The following TTK variants were observed in gnomAD, a reference collection of about 807,000 sequenced individuals.
The protein encoded by TTK is TTK protein kinase.
A neutral mutation model predicts 117.3 loss-of-function variants in TTK; 59 were observed. The observed-to-expected ratio is 0.50, with a 90% CI of 0.41 to 0.62. The LOEUF is 0.62. Ranked by LOEUF, TTK falls within the 20% of genes least tolerant of loss-of-function variation. The pLI is 0.00. For missense variants in TTK, 921 were observed against 989.4 expected (o/e 0.93, Z 0.93); for synonymous variants, 302 against 325.0 (o/e 0.93, Z 0.76).
chr6:80,008,538 A>C (rs1424738939), intron 4 of TTK, 46 bp downstream of exon 4: 2 of 1,504,494 alleles, frequency 1.3e-6, no homozygotes, highest in Admixed American at 3.8e-5. Flanking sequence ...AGGATAACTT[A>C]TTACAACTTA....
chr6:80,011,718 TTTC>T lies in TTK; in HGVS notation c.729-9_729-7del. ...TCTTTGAAAAATTGGGGGTATTTTC[TTTC>T]TGTTTAGAGAGAACATGCCACCACA... On this transcript the variant is annotated splice_region_variant and splice_polypyrimidine_tract_variant and intron_variant, in intron 6 of 21. Coordinates refer to ENST00000369798, the MANE Select transcript of TTK (RefSeq NM_003318.5). 6.2e-7 allele frequency: 1 copy of T among 1,611,696 alleles called. No homozygotes were observed. The highest frequency in any genetic ancestry group is 8.5e-7 in the Non-Finnish European group (1 of 1,178,794).
chr6:80,038,253 G>A (rs1366634642), intron 18 of TTK, among the ~76,000 whole-genome samples: 2 of 152,098 alleles, frequency 1.3e-5, no homozygotes, highest in Non-Finnish European at 2.9e-5. Flanking sequence ...AGTACAGCTG[G>A]AGAATGTAAT....
At chr6:80,021,905 A>G (rs1434048705) in intron 10 of TTK, among the ~76,000 whole-genome samples, 2 of 152,202 alleles carry the variant, frequency 1.3e-5, no homozygotes, top group Admixed American at 6.5e-5. Flanking sequence ...TAAGGGTTTC[A>G]AAGTATGCTT....
rs1244728232 is a variant in TTK at position 80,027,869 on chromosome 6, T to C, written c.1395-16T>C. 17 of 1,495,496 alleles carry C rather than the reference T, an allele frequency of 1.1e-5. No individual in the cohort carries two copies. Among genetic ancestry groups the C allele is most frequent in the Admixed American group, 1.1e-4 (5 of 47,504 alleles). The allele number at this position is 1,495,496 out of a possible 1,614,324, so 92.6% of individuals were successfully genotyped here. On this transcript the variant is annotated splice_polypyrimidine_tract_variant and intron_variant, in intron 12 of 21. Coordinates refer to ENST00000369798, the MANE Select transcript of TTK (RefSeq NM_003318.5). ...AATTGTAATGTTTTAAATAAAAATA[T>C]ATATATATTTCCTAGTTTTAGAACT... is the stretch of plus-strand genomic sequence containing the variant.
At chr6:80,021,247 G>T (rs189962358) in intron 10 of TTK, among the ~76,000 whole-genome samples, 4 of 152,328 alleles carry the variant, frequency 2.6e-5, no homozygotes, top group African/African-American at 7.2e-5. Context: ...TAGCTGCTGG[G>T]AGTTCCTTAA....
At chr6:80,028,083 T>C (rs1767653814) in intron 13 of TTK, 72 bp downstream of exon 13, 2 of 1,429,796 alleles carry the variant, frequency 1.4e-6, no homozygotes, top group Non-Finnish European at 1.8e-6. Context: ...TTTTATAGCA[T>C]CTAGTTATCA....
intron 14 of TTK, among the ~76,000 whole-genome samples, chr6:80,033,210 G>C (rs1475194249): frequency 6.6e-6 from 1 of 152,146 alleles, no homozygotes; most frequent in African/African-American, 2.4e-5. Flanking sequence ...TCGCATATAA[G>C]TGAGAACATG....
At position 80,010,999 on chromosome 6, in the gene TTK, A is replaced by G. The variant is rs561295130; in HGVS notation, c.613+42A>G. 3.0e-5 allele frequency: 46 copies of G among 1,551,080 alleles called. 1 individual carries two copies. In the South Asian group the frequency reaches 5.5e-4, roughly 19 times the overall value. On this transcript the variant is annotated intron_variant, in intron 5 of 21. Coordinates refer to ENST00000369798, the MANE Select transcript of TTK (RefSeq NM_003318.5). Reference sequence around the variant, plus strand: ...ACTAATACTTTCTGTGGTAGGTAGTACTTCAAATAAAGATTCGGGATAATA... The same window carrying G: ...ACTAATACTTTCTGTGGTAGGTAGTGCTTCAAATAAAGATTCGGGATAATA...
chr6:80,030,806 T>G (rs1767737627), intron 13 of TTK, among the ~76,000 whole-genome samples: 2 of 152,174 alleles, frequency 1.3e-5, no homozygotes, highest in Non-Finnish European at 2.9e-5. Flanking sequence ...TTGCTGAAAT[T>G]TGCATTTGTC....
rs569402943 is a variant in TTK, at chr6:80,011,015, C to T, written c.613+58C>T. 19 of 1,495,948 alleles carry T rather than the reference C, an allele frequency of 1.3e-5. No homozygotes were observed. In the South Asian group the frequency reaches 1.9e-4, roughly 15 times the overall value. 92.7% of individuals were successfully genotyped at this position (1,495,948 alleles called of 1,614,324 possible). The stretch of plus-strand genomic sequence containing the variant: ...GTAGGTAGTACTTCAAATAAAGATT[C>T]GGGATAATAATTTATAGAAAAATAT... On this transcript the variant is annotated intron_variant, in intron 5 of 21. Coordinates refer to ENST00000369798, the MANE Select transcript of TTK (RefSeq NM_003318.5).
At chr6:80,035,494 T>C in intron 16 of TTK, 77 bp downstream of exon 16, 1 of 1,371,712 alleles carries the variant, frequency 7.3e-7, no homozygotes, top group Non-Finnish European at 9.7e-7. Flanking sequence ...ATACCTATAA[T>C]TTTAGGGCAT....
At chr6:80,024,524 A>G in intron 11 of TTK, among the ~76,000 whole-genome samples, 1 of 152,226 alleles carries the variant, frequency 6.6e-6, no homozygotes, top group East Asian at 1.9e-4. Flanking sequence ...TTATGATCCC[A>G]TTTAGATAAA....
chr6:80,007,210 A>G (rs943886285), intron 2 of TTK, among the ~76,000 whole-genome samples: 2 of 152,140 alleles, frequency 1.3e-5, no homozygotes, highest in Admixed American at 6.5e-5. Flanking sequence ...GGACCAAGAA[A>G]TTATCAGGGC....
At chr6:80,021,597 G>T (rs1057323818) in intron 10 of TTK, among the ~76,000 whole-genome samples, 1 of 152,226 alleles carries the variant, frequency 6.6e-6, no homozygotes, top group African/African-American at 2.4e-5. Flanking sequence ...TTTTTGGGCT[G>T]AGTGAAGGGG....
In TTK at chr6:80,012,047, A is replaced by T. The variant is rs1168915694; in HGVS notation, c.896+67A>T. 2.3e-6 allele frequency: 3 copies of T among 1,319,380 alleles called. No individual in the cohort carries two copies. In the African/African-American group the frequency reaches 4.4e-5, roughly 20 times the overall value. The allele number at this position is 1,319,380 out of a possible 1,614,324, so 81.7% of individuals were successfully genotyped here. On this transcript the variant is annotated intron_variant, in intron 8 of 21. Coordinates refer to ENST00000369798, the MANE Select transcript of TTK (RefSeq NM_003318.5). ...GAAGATTAATGGCAGAATGGTCTTAAAGTCTTTTACTGAGTAATAGTAATT... is the reference window on the plus strand; with the variant it reads ...GAAGATTAATGGCAGAATGGTCTTATAGTCTTTTACTGAGTAATAGTAATT...
chr6:80,033,057 A>G (rs1380284022), intron 14 of TTK, among the ~76,000 whole-genome samples: 1 of 152,032 alleles, frequency 6.6e-6, no homozygotes, highest in Non-Finnish European at 1.5e-5. Context: ...CTAATCATCT[A>G]AAAAAAATCA....
intron 11 of TTK, among the ~76,000 whole-genome samples, chr6:80,026,005 T>A (rs183070391): frequency 1.1e-4 from 16 of 152,120 alleles, no homozygotes; most frequent in Admixed American, 2.0e-4. Context: ...GAGAAGGGAA[T>A]AGAGTTTTAT....
Position 80,011,899 on chromosome 6 carries a change from G to T in TTK, c.815G>T (p.Gly272Val). ...AAATATTTTTAGTCATGCCCATTTG[G>T]AAGAGTCCCAGTTAACCTTCTAAAT... ...TNKTKQSCPF[G>V]RVPVNLLNSP... Residue 272 changes from glycine (G) to valine (V), a missense_variant, in exon 8 of 22, where the codon GGA becomes GTA. By Grantham distance (109) the Gly-to-Val change is moderately radical. Transcript: ENST00000369798. The T allele has an allele frequency of 6.2e-7, 1 of 1,612,486 alleles. No homozygotes were observed. Among genetic ancestry groups the T allele is most frequent in the South Asian group, 1.1e-5 (1 of 90,952 alleles).
At chr6:80,007,218 G>T (rs1342201875) in intron 2 of TTK, among the ~76,000 whole-genome samples, 5 of 152,028 alleles carry the variant, frequency 3.3e-5, no homozygotes, top group African/African-American at 1.2e-4. Context: ...AAATTATCAG[G>T]GCCTCTAGCA....
Sources: gnomAD v4.1 joint callset for allele counts (sites outside exome capture counted in the v4.1 genomes callset) on GRCh38, gnomAD v4.1.1 for gene constraint, MANE v1.5 for transcripts, NCBI Gene and HGNC (gene_info 2026-07-23, HGNC 2026-07-21) for gene names.